AQR: variants seen among roughly 807,000 people sequenced by gnomAD.
AQR encodes RNA helicase aquarius.
AQR carries 61 observed loss-of-function variants against 180.5 expected under a neutral mutation model. The observed-to-expected ratio is 0.34, with a 90% CI of 0.28 to 0.42. The LOEUF (loss-of-function observed/expected upper bound fraction) is 0.42. Ranked by LOEUF, AQR falls within the 10% of genes least tolerant of loss-of-function variation. AQR has a pLI of 1.00. For synonymous variants in AQR, 551 were observed against 588.8 expected (o/e 0.94, Z 0.93); for missense variants, 1,281 against 1,798.3 (o/e 0.71, Z 5.20).
At chr15:34,925,018 A>G (rs963102128) in intron 13 of AQR, among the ~76,000 whole-genome samples, 5 of 152,084 alleles carry the variant, frequency 3.3e-5, no homozygotes. Flanking sequence ...CATCTAATAT[A>G]GTTATTAAAA....
intron 1 of AQR, 49 bp from the exon 2 acceptor site, chr15:34,964,339 A>G: frequency 7.0e-7 from 1 of 1,420,474 alleles, no homozygotes; most frequent in Non-Finnish European, 9.9e-7. Context: ...TTGCCATTGT[A>G]GAGCTGGAAG....
intron 2 of AQR, among the ~76,000 whole-genome samples, chr15:34,963,865 G>T (rs942428817): frequency 2.5e-4 from 15 of 59,300 alleles, no homozygotes; most frequent in Admixed American, 6.5e-4. Flanking sequence ...GGGTTTCACC[G>T]TGTTGGTCAG....
Position 34,918,269 on chromosome 15 carries a change from T to C in AQR, c.1331A>G (p.Tyr444Cys), listed in dbSNP as rs775114199. The change falls in exon 15 of 35, where the codon TAT (tyrosine) becomes TGT (cysteine). Residue 444 changes from tyrosine to cysteine, a missense_variant. Physicochemically the swap from Tyr to Cys is radical, Grantham distance 194 (BLOSUM62 -2). Around this residue, in one of 9 missense-constraint regions of AQR, gnomAD observed 200 missense variants for 293.4 expected, o/e 0.68. Transcript: ENST00000156471. Reference sequence around the variant, plus strand: ...CTTCTTTACCATACCTTCTCCAGAATAGTACTCAGTTGGGACAATATTTTC... The same window carrying C: ...CTTCTTTACCATACCTTCTCCAGAACAGTACTCAGTTGGGACAATATTTTC... ...WDENIVPTEY[Y>C]SGEGCLALPK... is the part of the protein sequence containing the mutation. 8 of 1,613,320 alleles carry C rather than the reference T, an allele frequency of 5.0e-6. No homozygotes were observed. Among genetic ancestry groups the C allele is most frequent in the Admixed American group, 3.3e-5 (2 of 59,946 alleles).
intron 32 of AQR, among the ~76,000 whole-genome samples, chr15:34,863,475 T>C (rs1442925666): frequency 6.6e-6 from 1 of 152,174 alleles, no homozygotes; most frequent in Non-Finnish European, 1.5e-5. Context: ...TTTATACTTA[T>C]TTACAATAAT....
At chr15:34,936,526 G>T (rs576958235) in intron 9 of AQR, among the ~76,000 whole-genome samples, 1 of 152,050 alleles carries the variant, frequency 6.6e-6, no homozygotes, top group Non-Finnish European at 1.5e-5. Flanking sequence ...GACCAGCCTG[G>T]CCAACATGGT....
In AQR at chr15:34,906,553, A is replaced by G. The variant is rs776816911; in HGVS notation, c.1823T>C (p.Ile608Thr). Residue 608 changes from isoleucine to threonine, a missense_variant, in exon 18 of 35, where the codon ATT becomes ACT. By Grantham distance (89) the Ile-to-Thr change is moderately conservative. Around this residue, in one of 9 missense-constraint regions of AQR, gnomAD observed 200 missense variants for 293.4 expected, o/e 0.68. Coordinates refer to ENST00000156471, the MANE Select transcript of AQR (RefSeq NM_014691.3). ...AATATAGGTCACCATACCATCTTCA[A>G]TGACACGTCCTTTATCATCCAGCAT... Reference protein sequence around the residue: ...QGMLDDKGRVIEDGPEPRPNL... With the variant: ...QGMLDDKGRVTEDGPEPRPNL... 43 of 1,613,978 alleles carry G rather than the reference A, an allele frequency of 2.7e-5. No individual in the cohort carries two copies. The highest frequency in any genetic ancestry group is 3.6e-5 in the Non-Finnish European group (42 of 1,179,892).
Position 34,852,166 on chromosome 15 carries a change from TAA to T in AQR, c.*4624_*4625del, listed in dbSNP as rs1426963442. ...ATTGGTTCCCAAGGAAATAGCTACC[TAA>T]GTTATGTTTTTTTTTTTTTTTTGAA... is the stretch of plus-strand genomic sequence containing the variant. On this transcript the variant is annotated 3_prime_UTR_variant, in exon 35 of 35. Transcript: ENST00000156471. 6.7e-6 allele frequency: 1 copy of T among 150,164 alleles called. No homozygotes were observed. Among genetic ancestry groups the T allele is most frequent in the Non-Finnish European group, 1.5e-5 (1 of 67,900 alleles). 9.3% of individuals were successfully genotyped at this position (150,164 alleles called of 1,614,324 possible).
chr15:34,923,936 T>C (rs1016244549), intron 13 of AQR, among the ~76,000 whole-genome samples: 1 of 152,254 alleles, frequency 6.6e-6, no homozygotes, highest in Non-Finnish European at 1.5e-5. Context: ...AATAAGTTTG[T>C]CAATTTCTAT....
At chr15:34,956,696 GA>G (rs565202160) in intron 3 of AQR, among the ~76,000 whole-genome samples, 1,434 of 83,374 alleles carry the variant, frequency 0.017, 20 homozygotes, top group African/African-American at 0.063. Flanking sequence ...TAAGAAGTCA[GA>G]AAAAAAAAAA....
chr15:34,968,515 C>G (rs2050325043), intron 1 of AQR, among the ~76,000 whole-genome samples: 1 of 152,108 alleles, frequency 6.6e-6, no homozygotes, highest in Admixed American at 6.5e-5. Context: ...GCCTCGGCCT[C>G]CCAAAGTGCT....
chr15:34,905,948 T>C (rs1433572215), intron 18 of AQR, among the ~76,000 whole-genome samples: 2 of 151,842 alleles, frequency 1.3e-5, no homozygotes, highest in African/African-American at 4.8e-5. Flanking sequence ...GAGGCAGAAT[T>C]GCTTGAACTT....
intron 23 of AQR, among the ~76,000 whole-genome samples, chr15:34,892,041 G>C (rs915595828): frequency 6.6e-6 from 1 of 152,088 alleles, no homozygotes; most frequent in Non-Finnish European, 1.5e-5. Context: ...CAAAAACACA[G>C]TGCTTCTGTA....
At chr15:34,965,593 C>G (rs1157342542) in intron 1 of AQR, among the ~76,000 whole-genome samples, 2 of 152,142 alleles carry the variant, frequency 1.3e-5, no homozygotes, top group Non-Finnish European at 2.9e-5. Context: ...ATTGCTTGAA[C>G]CTGGGAGGTG....
intron 23 of AQR, among the ~76,000 whole-genome samples, chr15:34,891,896 A>G (rs532279762): frequency 1.3e-5 from 2 of 152,258 alleles, no homozygotes; most frequent in African/African-American, 4.8e-5. Context: ...TATATTCAGT[A>G]TATTGGATAA....
chr15:34,928,438 C>T (rs145587432), intron 12 of AQR, among the ~76,000 whole-genome samples: 3,741 of 152,206 alleles, frequency 0.025, 69 homozygotes, highest in Middle Eastern at 0.075. Flanking sequence ...TGAGTGAGAA[C>T]ATGCGGTGTT....
chr15:34,884,575 T>C lies in AQR; in HGVS notation c.2977A>G (p.Ile993Val), dbSNP rs780288797. The C allele has an allele frequency of 6.2e-7, 1 of 1,603,282 alleles. No individual in the cohort carries two copies. Residue 993 changes from isoleucine to valine, a missense_variant, in exon 26 of 35, where the codon ATT (isoleucine) becomes GTT (valine). Ile to Val is a conservative substitution (Grantham distance 29, BLOSUM62 3). Coordinates refer to ENST00000156471, the MANE Select transcript of AQR (RefSeq NM_014691.3). ...KGRSYEEDME[I>V]AEGCFRHIKK... Reference sequence around the variant, plus strand: ...ATATGCCTGAAACATCCTTCAGCAATTTCCATGTCTTCTTCATAAGATCTT... The same window carrying C: ...ATATGCCTGAAACATCCTTCAGCAACTTCCATGTCTTCTTCATAAGATCTT...
intron 8 of AQR, among the ~76,000 whole-genome samples, chr15:34,940,003 C>G (rs980355568): frequency 2.0e-5 from 3 of 152,128 alleles, no homozygotes; most frequent in African/African-American, 7.2e-5. Context: ...ATTACATAAA[C>G]AGCTGGTGTT....
intron 2 of AQR, 48 bp from the exon 3 acceptor site, chr15:34,960,862 A>C: frequency 1.5e-6 from 1 of 685,322 alleles, no homozygotes. Context: ...ACTTTTTTCA[A>C]CCCTAAATTG....
chr15:34,925,850 A>G (rs1181130190), intron 13 of AQR, among the ~76,000 whole-genome samples: 1 of 151,504 alleles, frequency 6.6e-6, no homozygotes, highest in African/African-American at 2.4e-5. Flanking sequence ...ACAAAAAAAA[A>G]GACTCACCAA....
Sources: gnomAD v4.1 joint callset for allele counts (sites outside exome capture counted in the v4.1 genomes callset) on GRCh38, gnomAD v4.1.1 for gene constraint, gnomAD v4.1.1 regional missense constraint, MANE v1.5 for transcripts, NCBI Gene and HGNC (gene_info 2026-07-23, HGNC 2026-07-21) for gene names.